The following ZNF23 variants were observed in gnomAD, a reference collection of about 807,000 sequenced individuals.
The protein encoded by ZNF23 is zinc finger protein 23.
Under a neutral mutation model 56.2 loss-of-function variants are expected in ZNF23, and 48 were observed. That is an observed-to-expected ratio of 0.85 (90% CI 0.68 to 1.09). The LOEUF (loss-of-function observed/expected upper bound fraction) is 1.09. Ranked by LOEUF, ZNF23 falls within the 50% of genes least tolerant of loss-of-function variation. The probability of loss-of-function intolerance (pLI) is 0.00; values close to 1 mark genes in which losing one functional copy is unlikely to be tolerated. For missense variants in ZNF23, 805 were observed against 811.4 expected (o/e 0.99, Z 0.10); for synonymous variants, 266 against 283.3 (o/e 0.94, Z 0.61).
rs1402200248 is a variant in ZNF23 at position 71,449,175 on chromosome 16, C to T, written c.979G>A (p.Glu327Lys). The change falls in exon 5 of 5, where the codon GAA becomes AAA. Residue 327 changes from glutamate to lysine, a missense_variant. Glu to Lys is a moderately conservative substitution (Grantham distance 56). Coordinates refer to ENST00000647773, the MANE Select transcript of ZNF23 (RefSeq NM_001381984.1). ...HTGEKPYQCK[E>K]CGNGFSCSSA... is the part of the protein sequence containing the mutation. The stretch of plus-strand genomic sequence containing the variant: ...CTACAGCTGAAGCCATTTCCACATT[C>T]CTTGCACTGATAGGGCTTCTCTCCC... 6.2e-7 allele frequency: 1 copy of T among 1,614,074 alleles called. No individual in the cohort carries two copies. Among genetic ancestry groups the T allele is most frequent in the Admixed American group, 1.7e-5 (1 of 60,006 alleles).
In ZNF23 at chr16:71,449,357, G is replaced by T; in HGVS notation, c.797C>A (p.Pro266His). Reference protein sequence around the residue: ...WHQRLHSGEKPFKCVECGKSF... With the variant: ...WHQRLHSGEKHFKCVECGKSF... ...TTTCCCACACTCCACACATTTGAAG[G>T]GTTTCTCCCCACTGTGAAGTCTCTG... The change falls in exon 5 of 5, where the codon CCC (proline) becomes CAC (histidine). Residue 266 changes from proline to histidine, a missense_variant. Physicochemically the swap from Pro to His is moderately conservative, Grantham distance 77. Coordinates refer to ENST00000647773, the MANE Select transcript of ZNF23 (RefSeq NM_001381984.1). 1 of 1,614,136 alleles carries T rather than the reference G, an allele frequency of 6.2e-7. No homozygotes were observed. The highest frequency in any genetic ancestry group is 1.1e-5 in the South Asian group (1 of 91,084).
At chr16:71,457,256 C>T (rs1271340233) in intron 1 of ZNF23, among the ~76,000 whole-genome samples, 1 of 151,972 alleles carries the variant, frequency 6.6e-6, no homozygotes, top group East Asian at 1.9e-4. Flanking sequence ...TGGCAAAACC[C>T]TGTCTCTATA....
chr16:71,456,721 C>T, intron 2 of ZNF23, 43 bp downstream of exon 2: 1 of 986,084 alleles, frequency 1.0e-6, no homozygotes, highest in Non-Finnish European at 1.2e-6. Context: ...GTTTTTCAAT[C>T]TGAAACTGCC....
intron 1 of ZNF23, among the ~76,000 whole-genome samples, chr16:71,459,159 T>G (rs1490281959): frequency 1.6e-4 from 25 of 152,246 alleles, no homozygotes; most frequent in Non-Finnish European, 1.5e-5. Flanking sequence ...TATGCCTGGT[T>G]CCTGCCCTGG....
chr16:71,453,951 T>A (rs771694926), intron 3 of ZNF23, 91 bp downstream of exon 3: 18 of 1,447,936 alleles, frequency 1.2e-5, no homozygotes, highest in Non-Finnish European at 1.7e-5. Context: ...AGTAAAGGAT[T>A]ACCAGAGATC....
At position 71,449,197 on chromosome 16, in the gene ZNF23, T is replaced by A. The variant is rs757714887; in HGVS notation, c.957A>T (p.Gly319=). The A allele has an allele frequency of 6.8e-6, 11 of 1,614,032 alleles. No homozygotes were observed. The highest frequency in any genetic ancestry group is 9.3e-6 in the Non-Finnish European group (11 of 1,179,992). ...SLSRHQRIHT[G]EKPYQCKECG... Reference sequence around the variant, plus strand: ...ATTCCTTGCACTGATAGGGCTTCTCTCCCGTATGGATTCTCTGATGCCTAC... The same window carrying A: ...ATTCCTTGCACTGATAGGGCTTCTCACCCGTATGGATTCTCTGATGCCTAC... Residue 319 remains glycine, a synonymous_variant, in exon 5 of 5, where the codon GGA becomes GGT. Transcript: ENST00000647773.
intron 3 of ZNF23, 29 bp from the exon 4 acceptor site, chr16:71,453,379 C>T (rs370912895): frequency 1.6e-5 from 24 of 1,497,192 alleles, no homozygotes; most frequent in African/African-American, 7.0e-5. Flanking sequence ...ATAGGAGAGA[C>T]AGATGAATAA....
Position 71,449,711 on chromosome 16 carries a change from G to C in ZNF23, c.443C>G (p.Thr148Ser). The part of the protein sequence containing the change: ...AGNIKKEKSN[T>S]IDGTVKDETS... Reference sequence around the variant, plus strand: ...CTCATCTTTCACTGTTCCATCAATGGTGTTGCTCTTCTCCTTCTTTATATT... The same window carrying C: ...CTCATCTTTCACTGTTCCATCAATGCTGTTGCTCTTCTCCTTCTTTATATT... Residue 148 changes from threonine to serine, a missense_variant, in exon 5 of 5, where the codon ACC becomes AGC. Transcript: ENST00000647773. The C allele has an allele frequency of 6.2e-7, 1 of 1,613,908 alleles. No individual in the cohort carries two copies. The highest frequency in any genetic ancestry group is 8.5e-7 in the Non-Finnish European group (1 of 1,180,026).
chr16:71,460,233 T>C (rs2043392419), intron 1 of ZNF23, among the ~76,000 whole-genome samples: 2 of 152,196 alleles, frequency 1.3e-5, no homozygotes, highest in South Asian at 4.1e-4. Context: ...GGAGTAAGTA[T>C]GTAAGTCCTA....
intron 3 of ZNF23, chr16:71,453,708 C>T (rs2043130845): frequency 4.0e-6 from 2 of 505,590 alleles, no homozygotes; most frequent in Non-Finnish European, 7.1e-6. Flanking sequence ...CCAGAGTACA[C>T]TGAGATCCTT....
At chr16:71,451,176 AAT>A (rs2043045882) in intron 4 of ZNF23, 1 of 152,262 alleles carries the variant, frequency 6.6e-6, no homozygotes, top group Non-Finnish European at 1.5e-5. Context: ...TTATAATCCC[AAT>A]AGTCTTTAGA....
Position 71,448,700 on chromosome 16 carries a change from T to C in ZNF23, c.1454A>G (p.His485Arg). The C allele has an allele frequency of 1.9e-6, 3 of 1,614,244 alleles. No individual in the cohort carries two copies. The highest frequency in any genetic ancestry group is 2.5e-6 in the Non-Finnish European group (3 of 1,180,042). The change falls in exon 5 of 5, where the codon CAC (histidine) becomes CGC (arginine). Residue 485 changes from histidine to arginine, a missense_variant. By Grantham distance (29) the His-to-Arg change is conservative. Transcript: ENST00000647773. ...ACACTCATAGGGCTTCTCCCCAGTG[T>C]GAATTCTCAGATGCTGCCGAAATTG... ...NSQFRQHLRI[H>R]TGEKPYECNE...
rs1057035217 is a variant in ZNF23 at position 71,456,082 on chromosome 16, T to C, written c.33+682A>G. Reference sequence around the variant, plus strand: ...TGGACTGTTCCCAACCTGTAGTCCATGGAAGTCCATGGATGAGCTTCAGGG... The same window carrying C: ...TGGACTGTTCCCAACCTGTAGTCCACGGAAGTCCATGGATGAGCTTCAGGG... On this transcript the variant is annotated intron_variant, in intron 2 of 4. Coordinates refer to ENST00000647773, the MANE Select transcript of ZNF23 (RefSeq NM_001381984.1). 3 of 454,408 alleles carry C rather than the reference T, an allele frequency of 6.6e-6. No homozygotes were observed. In the Admixed American group the frequency reaches 7.1e-5, roughly 11 times the overall value. 28.1% of individuals were successfully genotyped at this position (454,408 alleles called of 1,614,324 possible).
chr16:71,448,350 G>A lies in ZNF23; in HGVS notation c.1804C>T (p.Pro602Ser). 2 of 1,613,988 alleles carry A rather than the reference G, an allele frequency of 1.2e-6. No homozygotes were observed. The highest frequency in any genetic ancestry group is 1.7e-6 in the Non-Finnish European group (2 of 1,179,976). Residue 602 changes from proline (P) to serine (S), a missense_variant, in exon 5 of 5, where the codon CCC becomes TCC. Physicochemically the swap from Pro to Ser is moderately conservative, Grantham distance 74. Coordinates refer to ENST00000647773, the MANE Select transcript of ZNF23 (RefSeq NM_001381984.1). ...VHQRIHTGEK[P>S]FQCKECGKAF... is the part of the protein sequence containing the mutation. The stretch of plus-strand genomic sequence containing the variant: ...TTTCCACACTCCTTACACTGAAAGG[G>A]TTTCTCTCCTGTATGGATTCTCTGG...
intron 2 of ZNF23, among the ~76,000 whole-genome samples, chr16:71,455,456 A>G (rs2043196754): frequency 6.6e-6 from 1 of 152,100 alleles, no homozygotes; most frequent in African/African-American, 2.4e-5. Context: ...TCCCGGGCTC[A>G]AGCAATTCTC....
In ZNF23 at chr16:71,448,259, C is replaced by T. The variant is rs766734470; in HGVS notation, c.1895G>A (p.Arg632Lys). The T allele has an allele frequency of 6.2e-7, 1 of 1,614,090 alleles. No homozygotes were observed. The highest frequency in any genetic ancestry group is 1.3e-5 in the African/African-American group (1 of 74,926). ...GAAGCCTTTGCCACATTCCACACAT[C>T]TGAAGGGTTTCTCCCCAGTGTGGCT... ...QRSHTGEKPF[R>K]CVECGKGFSF... is the part of the protein sequence containing the mutation. Residue 632 changes from arginine to lysine, a missense_variant, in exon 5 of 5, where the codon AGA (arginine) becomes AAA (lysine). Coordinates refer to ENST00000647773, the MANE Select transcript of ZNF23 (RefSeq NM_001381984.1).
chr16:71,448,637 A>C lies in ZNF23; in HGVS notation c.1517T>G (p.Leu506Arg). Residue 506 changes from leucine to arginine, a missense_variant, in exon 5 of 5, where the codon CTA (leucine) becomes CGA (arginine). By Grantham distance (102) the Leu-to-Arg change is moderately radical. Transcript: ENST00000647773. ...AGTGTGAATTCTCTGATGCCGCATT[A>C]GTTTCCCATTAACGCTGAAGGCCTT... ...CGKAFSVNGKLMRHQRIHTGE... is the reference protein window; with the variant it reads ...CGKAFSVNGKRMRHQRIHTGE... 2 of 1,614,042 alleles carry C rather than the reference A, an allele frequency of 1.2e-6. No individual in the cohort carries two copies. The highest frequency in any genetic ancestry group is 1.1e-5 in the South Asian group (1 of 91,062).
intron 4 of ZNF23, chr16:71,450,099 T>C (rs534320048): frequency 7.3e-6 from 3 of 408,342 alleles, no homozygotes; most frequent in African/African-American, 6.2e-5. Flanking sequence ...TAAAAAGACA[T>C]CCAAGATACA....
At chr16:71,458,773 CA>C (rs1261547421) in intron 1 of ZNF23, among the ~76,000 whole-genome samples, 1 of 152,228 alleles carries the variant, frequency 6.6e-6, no homozygotes, top group Non-Finnish European at 1.5e-5. Context: ...GAGCCAAAAT[CA>C]GCTGGCACCT....
Sources: gnomAD v4.1 joint callset for allele counts (sites outside exome capture counted in the v4.1 genomes callset) on GRCh38, gnomAD v4.1.1 for gene constraint, MANE v1.5 for transcripts, NCBI Gene and HGNC (gene_info 2026-07-23, HGNC 2026-07-21) for gene names.